The following COP1 variants were observed in gnomAD, a reference collection of about 807,000 sequenced individuals.
COP1 encodes COP1 E3 ubiquitin ligase, also known as E3 ubiquitin-protein ligase COP1.
A neutral mutation model predicts 101.3 loss-of-function variants in COP1; 24 were observed. The observed-to-expected ratio is 0.24, with a 90% CI of 0.17 to 0.33. The LOEUF (loss-of-function observed/expected upper bound fraction) is 0.33, where lower values mean the gene tolerates loss of function less well. Among genes scored for constraint, COP1 ranks in the 10% least tolerant of loss-of-function variants. The probability of loss-of-function intolerance (pLI) is 1.00; values close to 1 mark genes in which losing one functional copy is unlikely to be tolerated. For synonymous variants in COP1, 347 were observed against 341.9 expected, an observed-to-expected ratio of 1.01 and a Z score of -0.17; for missense variants, 663 against 906.2, an observed-to-expected ratio of 0.73 and a Z score of 3.45.
chr1:176,018,463 A>G (rs945033130), intron 15 of COP1: 1 of 152,146 alleles, frequency 6.6e-6, no homozygotes, highest in Non-Finnish European at 1.5e-5. Flanking sequence ...CTATGATATA[A>G]AACAGATTAA....
chr1:176,095,521 C>T (rs1682181438), intron 9 of COP1, among the ~76,000 whole-genome samples: 1 of 151,926 alleles, frequency 6.6e-6, no homozygotes, highest in Admixed American at 6.6e-5. Context: ...TTCTATAAAA[C>T]ACAAAAAAAA....
intron 17 of COP1, among the ~76,000 whole-genome samples, chr1:175,987,329 A>T (rs1181568058): frequency 6.6e-6 from 1 of 152,184 alleles, no homozygotes; most frequent in East Asian, 1.9e-4. Flanking sequence ...ATGATACAAC[A>T]ATACTGATAA....
intron 15 of COP1, among the ~76,000 whole-genome samples, chr1:175,995,720 A>C (rs1365477598): frequency 1.3e-5 from 2 of 152,224 alleles, no homozygotes; most frequent in African/African-American, 2.4e-5. Context: ...CTCTGAATAG[A>C]CCAATAACAG....
At chr1:176,038,428 A>G (rs1669941940) in intron 14 of COP1, among the ~76,000 whole-genome samples, 1 of 152,240 alleles carries the variant, frequency 6.6e-6, no homozygotes, top group Non-Finnish European at 1.5e-5. Context: ...AAGGAAATAG[A>G]AGAGTTAAAA....
intron 10 of COP1, among the ~76,000 whole-genome samples, chr1:176,082,640 C>G (rs1053605014): frequency 4.0e-5 from 6 of 151,876 alleles, no homozygotes; most frequent in African/African-American, 1.5e-4. Flanking sequence ...AACCCTGTCT[C>G]TACTAAAAAT....
chr1:176,109,682 A>C (rs1472217049), intron 9 of COP1, among the ~76,000 whole-genome samples: 1 of 152,210 alleles, frequency 6.6e-6, no homozygotes, highest in African/African-American at 2.4e-5. Flanking sequence ...TCCTAAAATT[A>C]ATCTGAACTA....
intron 8 of COP1, among the ~76,000 whole-genome samples, chr1:176,129,219 G>T (rs896520488): frequency 6.6e-6 from 1 of 151,394 alleles, no homozygotes; most frequent in African/African-American, 2.4e-5. Flanking sequence ...ATGATTCCTT[G>T]TTTTTTCCTA....
At chr1:176,067,962 A>C (rs559332124) in intron 11 of COP1, among the ~76,000 whole-genome samples, 1 of 152,280 alleles carries the variant, frequency 6.6e-6, no homozygotes, top group South Asian at 2.1e-4. Context: ...CAAAGAAACA[A>C]GCCACACCCC....
chr1:176,060,699 T>C (rs1197946461), intron 11 of COP1, among the ~76,000 whole-genome samples: 1 of 152,106 alleles, frequency 6.6e-6, no homozygotes, highest in Non-Finnish European at 1.5e-5. Context: ...AACTATGATA[T>C]AAAGAAACCA....
intron 8 of COP1, among the ~76,000 whole-genome samples, chr1:176,126,474 T>C (rs1688012514): frequency 6.6e-6 from 1 of 152,218 alleles, no homozygotes; most frequent in Non-Finnish European, 1.5e-5. Flanking sequence ...TTCTTTTTTT[T>C]TGAGATGGAG....
intron 2 of COP1, among the ~76,000 whole-genome samples, chr1:176,178,792 G>A (rs1380283454): frequency 6.6e-6 from 1 of 151,988 alleles, no homozygotes; most frequent in East Asian, 1.9e-4. Flanking sequence ...GGTGGAGCTT[G>A]CAGTGAACCA....
At chr1:176,141,138 T>C (rs78969508) in intron 6 of COP1, among the ~76,000 whole-genome samples, 3,757 of 152,288 alleles carry the variant, frequency 0.025, 66 homozygotes, top group Middle Eastern at 0.048. Flanking sequence ...TTGAATACAT[T>C]ACATATAATT....
chr1:176,158,740 G>A (rs1217150248), intron 5 of COP1, among the ~76,000 whole-genome samples: 6 of 147,206 alleles, frequency 4.1e-5, no homozygotes, highest in Non-Finnish European at 7.4e-5. Context: ...CCTGGGTTCA[G>A]GCAATCCTCC....
intron 18 of COP1, among the ~76,000 whole-genome samples, chr1:175,951,902 A>T (rs371974392): frequency 6.6e-6 from 1 of 152,200 alleles, no homozygotes; most frequent in Non-Finnish European, 1.5e-5. Context: ...AAATGTTTCA[A>T]ATTTGTAAAC....
At chr1:176,075,430 T>TA (rs1677809493) in intron 11 of COP1, among the ~76,000 whole-genome samples, 1 of 152,222 alleles carries the variant, frequency 6.6e-6, no homozygotes, top group Non-Finnish European at 1.5e-5. Flanking sequence ...CGTTAAAACT[T>TA]ACCAAATTCC....
intron 9 of COP1, among the ~76,000 whole-genome samples, chr1:176,086,335 C>T (rs1680164367): frequency 6.6e-6 from 1 of 150,504 alleles, no homozygotes; most frequent in Admixed American, 6.7e-5. Context: ...TCGACATTCT[C>T]CTGCCTCAGC....
chr1:176,047,774 A>T (rs1671761264), intron 11 of COP1, among the ~76,000 whole-genome samples: 2 of 152,190 alleles, frequency 1.3e-5, no homozygotes. Flanking sequence ...TAAGAAAAAG[A>T]CACATTAAGA....
At chr1:176,149,110 T>A (rs1301067007) in intron 5 of COP1, 36 bp from the exon 6 acceptor site, 2 of 1,373,924 alleles carry the variant, frequency 1.5e-6, no homozygotes. Context: ...TTTTAAAAAA[T>A]ATAACTGAGT....
chr1:176,188,699 TG>T (rs1401122359), intron 1 of COP1, among the ~76,000 whole-genome samples: 64 of 152,186 alleles, frequency 4.2e-4, no homozygotes, highest in Non-Finnish European at 6.6e-4. Flanking sequence ...GTAACTGTTT[TG>T]GGGAGCCACA....
Sources: gnomAD v4.1 joint callset for allele counts (sites outside exome capture counted in the v4.1 genomes callset) on GRCh38, gnomAD v4.1.1 for gene constraint, MANE v1.5 for transcripts, NCBI Gene and HGNC (gene_info 2026-07-23, HGNC 2026-07-21) for gene names.